Variants in FYN observed in about 807,000 individuals in gnomAD.
The protein encoded by FYN is tyrosine-protein kinase Fyn.
FYN carries 10 observed loss-of-function variants against 70.2 expected under a neutral mutation model. The ratio of observed to expected loss-of-function variants is 0.14; its 90% CI spans 0.09 to 0.24. FYN has a LOEUF of 0.24. Among genes scored for constraint, FYN ranks in the 10% least tolerant of loss-of-function variants. The pLI is 1.00. For synonymous variants in FYN, 236 were observed against 248.6 expected (o/e 0.95, Z 0.48); for missense variants, 319 against 673.1 (o/e 0.47, Z 5.82).
intron 2 of FYN, among the ~76,000 whole-genome samples, chr6:111,811,486 G>A (rs1279294646): frequency 6.6e-6 from 1 of 152,182 alleles, no homozygotes; most frequent in African/African-American, 2.4e-5. Flanking sequence ...AGACTTGTTT[G>A]AAGACAAAGG....
chr6:111,717,759 C>T (rs78450444), intron 4 of FYN, among the ~76,000 whole-genome samples: 11 of 152,278 alleles, frequency 7.2e-5, no homozygotes, highest in South Asian at 2.1e-4. Flanking sequence ...CTACTGCACC[C>T]GGCCAGAGTC....
chr6:111,747,350 G>C (rs1300682828), intron 3 of FYN, among the ~76,000 whole-genome samples: 1 of 152,176 alleles, frequency 6.6e-6, no homozygotes, highest in Admixed American at 6.5e-5. Context: ...AGAGCCAAGA[G>C]GCAAGTCAAG....
intron 3 of FYN, among the ~76,000 whole-genome samples, chr6:111,721,844 G>A (rs941313365): frequency 1.3e-5 from 2 of 152,132 alleles, no homozygotes; most frequent in Admixed American, 6.5e-5. Context: ...AGCCAACAGG[G>A]GTCAGGTAGA....
At chr6:111,786,743 T>G (rs1249569020) in intron 2 of FYN, among the ~76,000 whole-genome samples, 1 of 152,250 alleles carries the variant, frequency 6.6e-6, no homozygotes, top group Non-Finnish European at 1.5e-5. Context: ...CCTGACTTTT[T>G]AATGATCGCC....
At chr6:111,787,352 G>A (rs1771432624) in intron 2 of FYN, among the ~76,000 whole-genome samples, 1 of 152,136 alleles carries the variant, frequency 6.6e-6, no homozygotes, top group South Asian at 2.1e-4. Context: ...TTTCTGTCAG[G>A]TTTTTCAAAG....
At chr6:111,725,269 CAGA>C (rs971013399) in intron 3 of FYN, among the ~76,000 whole-genome samples, 6 of 152,166 alleles carry the variant, frequency 3.9e-5, no homozygotes, top group African/African-American at 7.2e-5. Flanking sequence ...TTACTGGGAG[CAGA>C]AGGACATTCA....
At chr6:111,817,987 T>C (rs958455429) in intron 2 of FYN, among the ~76,000 whole-genome samples, 2 of 152,206 alleles carry the variant, frequency 1.3e-5, no homozygotes, top group South Asian at 2.1e-4. Flanking sequence ...TATGCACATG[T>C]GCCCTGAAGA....
intron 2 of FYN, among the ~76,000 whole-genome samples, chr6:111,811,261 A>G (rs1037665393): frequency 4.6e-5 from 7 of 152,234 alleles, no homozygotes; most frequent in Non-Finnish European, 1.0e-4. Context: ...CAGGAAACAA[A>G]CAGACTTTAA....
At chr6:111,664,376 A>T (rs1398331870) in intron 13 of FYN, among the ~76,000 whole-genome samples, 1 of 152,198 alleles carries the variant, frequency 6.6e-6, no homozygotes, top group Admixed American at 6.5e-5. Context: ...ATGGCAGCAC[A>T]GAGTTTAATT....
intron 2 of FYN, among the ~76,000 whole-genome samples, chr6:111,820,554 C>T (rs908080002): frequency 7.2e-5 from 11 of 151,996 alleles, no homozygotes; most frequent in Non-Finnish European, 5.9e-5. Context: ...AGGATATTTA[C>T]GTTTGAATTT....
At chr6:111,669,163 A>T (rs1183323623) in intron 13 of FYN, among the ~76,000 whole-genome samples, 1 of 152,130 alleles carries the variant, frequency 6.6e-6, no homozygotes, top group Non-Finnish European at 1.5e-5. Flanking sequence ...GGCCTGGTGC[A>T]GTGGCTCACA....
intron 13 of FYN, among the ~76,000 whole-genome samples, chr6:111,666,844 G>A (rs977646310): frequency 1.3e-5 from 2 of 151,990 alleles, no homozygotes; most frequent in Non-Finnish European, 1.5e-5. Flanking sequence ...CCGCTGTGTG[G>A]GGGTCTGCCT....
chr6:111,840,768 A>G (rs1263326253), intron 2 of FYN, among the ~76,000 whole-genome samples: 1 of 152,216 alleles, frequency 6.6e-6, no homozygotes, highest in Non-Finnish European at 1.5e-5. Context: ...CACTGACAAA[A>G]GCATCTTTTC....
intron 1 of FYN, among the ~76,000 whole-genome samples, chr6:111,852,650 T>G (rs1562545719): frequency 6.6e-6 from 1 of 152,020 alleles, no homozygotes; most frequent in African/African-American, 2.4e-5. Context: ...TACGAGACTG[T>G]GTTGGGTGCA....
intron 5 of FYN, 103 bp from the exon 6 acceptor site, chr6:111,708,123 C>T (rs1380777966): frequency 6.1e-6 from 5 of 816,264 alleles, no homozygotes; most frequent in Admixed American, 2.0e-5. Flanking sequence ...ATCATCCTGC[C>T]ACCCGATTTC....
Position 111,661,754 on chromosome 6 carries a change from A to G in FYN, c.1599T>C (p.Pro533=). ...YFTATEPQYQ[P]GENL is the part of the protein sequence containing the mutation. ...GACCCGGGCCTTACAGGTTTTCACC[A>G]GGTTGGTACTGGGGCTCTGTCGCGG... is the stretch of plus-strand genomic sequence containing the variant. The change falls in exon 14 of 14, where the codon CCT becomes CCC. Residue 533 remains proline (P), a synonymous_variant. Coordinates refer to ENST00000354650, the MANE Select transcript of FYN (RefSeq NM_002037.5). This position sits in a 1 kb window ranked among gnomAD's most constrained non-coding sequence, Gnocchi z 4.0. 6.2e-7 allele frequency: 1 copy of G among 1,614,060 alleles called. No homozygotes were observed. The highest frequency in any genetic ancestry group is 1.1e-5 in the South Asian group (1 of 91,076).
intron 2 of FYN, among the ~76,000 whole-genome samples, chr6:111,804,039 T>C (rs1172967010): frequency 6.6e-6 from 1 of 152,190 alleles, no homozygotes; most frequent in Non-Finnish European, 1.5e-5. Context: ...GATGAGACAG[T>C]GTGGATACAG....
intron 3 of FYN, among the ~76,000 whole-genome samples, chr6:111,728,399 A>G (rs1409648350): frequency 6.6e-6 from 1 of 152,188 alleles, no homozygotes; most frequent in Non-Finnish European, 1.5e-5. Context: ...ACACAGTCCA[A>G]TGGTTTTTAG....
At chr6:111,804,174 T>A (rs1772076225) in intron 2 of FYN, among the ~76,000 whole-genome samples, 1 of 152,182 alleles carries the variant, frequency 6.6e-6, no homozygotes, top group Non-Finnish European at 1.5e-5. Context: ...GGAAGAGACA[T>A]CATCGTTCTG....
Sources: gnomAD v4.1 joint callset for allele counts (sites outside exome capture counted in the v4.1 genomes callset) on GRCh38, gnomAD v4.1.1 for gene constraint, Gnocchi (gnomAD v3.1) non-coding constraint, MANE v1.5 for transcripts, NCBI Gene and HGNC (gene_info 2026-07-23, HGNC 2026-07-21) for gene names.